The following ASXL3 variants were observed in gnomAD, a reference collection of about 807,000 sequenced individuals.
ASXL3 encodes putative Polycomb group protein ASXL3.
Under a neutral mutation model 170.6 loss-of-function variants are expected in ASXL3, and 34 were observed. That is an observed-to-expected ratio of 0.20 (90% confidence interval 0.15 to 0.27). The LOEUF is 0.27. Among genes scored for constraint, ASXL3 ranks in the 10% least tolerant of loss-of-function variants. The pLI, the probability that ASXL3 is intolerant of heterozygous loss-of-function variation, is 1.00. For synonymous variants in ASXL3, 1,002 were observed against 989.1 expected (o/e 1.01, Z -0.24); for missense variants, 2,592 against 2,695.3 (o/e 0.96, Z 0.85).
At chr18:33,726,086 C>T (rs982329376) in intron 8 of ASXL3, among the ~76,000 whole-genome samples, 1 of 152,140 alleles carries the variant, frequency 6.6e-6, no homozygotes, top group Non-Finnish European at 1.5e-5. Flanking sequence ...AGCATCTCAA[C>T]CTGATGTAGT....
chr18:33,588,066 T>A (rs1453452813), intron 1 of ASXL3, among the ~76,000 whole-genome samples: 3 of 152,166 alleles, frequency 2.0e-5, no homozygotes, highest in Non-Finnish European at 4.4e-5. Context: ...TGTGTATGTG[T>A]GTGTATATAT....
At chr18:33,614,941 A>G (rs2065400042) in intron 2 of ASXL3, 1 of 152,054 alleles carries the variant, frequency 6.6e-6, no homozygotes, top group Non-Finnish European at 1.5e-5. Flanking sequence ...GTACAGGTGT[A>G]GCAGATGTAA....
At chr18:33,670,423 G>T (rs1008540183) in intron 5 of ASXL3, among the ~76,000 whole-genome samples, 2 of 152,178 alleles carry the variant, frequency 1.3e-5, no homozygotes, top group Non-Finnish European at 2.9e-5. Flanking sequence ...ACCATTAAGT[G>T]CTGCTTTGTT....
rs1378774921 is a variant in ASXL3, at chr18:33,746,673, C to A, written c.*78C>A. ...ATCAGCAACAACAAATAGAATAATG[C>A]AGTGGTTTCTATCATGCTAATTTAT... On this transcript the variant is annotated 3_prime_UTR_variant, in exon 12 of 12. Transcript: ENST00000269197. 2.0e-6 allele frequency: 3 copies of A among 1,489,778 alleles called. No homozygotes were observed. In the African/African-American group the frequency reaches 4.2e-5, roughly 21 times the overall value. 92.3% of individuals were successfully genotyped at this position (1,489,778 alleles called of 1,614,324 possible).
chr18:33,680,286 T>G (rs1241091958), intron 7 of ASXL3, among the ~76,000 whole-genome samples: 1 of 152,074 alleles, frequency 6.6e-6, no homozygotes, highest in Non-Finnish European at 1.5e-5. Flanking sequence ...ATTGATACCT[T>G]TCTAATATGG....
At position 33,718,345 on chromosome 18, in the gene ASXL3, G is replaced by A. The variant is rs191517339; in HGVS notation, c.880-13623G>A. ...TTTTGTCTCTCAACTGATAAAGAAA[G>A]GAGCAGCACCCAAATGAGTTGTTCT... On this transcript the variant is annotated intron_variant, in intron 8 of 11. Coordinates refer to ENST00000269197, the MANE Select transcript of ASXL3 (RefSeq NM_030632.3). 1.6e-3 allele frequency among the ~76,000 whole-genome samples: 251 copies of A among 152,252 alleles called. 1 individual carries two copies. Among genetic ancestry groups the A allele is most frequent in the African/African-American group, 5.5e-3 (228 of 41,578 alleles).
chr18:33,617,936 T>C (rs1402447713), intron 2 of ASXL3, among the ~76,000 whole-genome samples: 2 of 152,102 alleles, frequency 1.3e-5, no homozygotes, highest in Admixed American at 6.6e-5. Context: ...TTTTTCTAAG[T>C]GGAGCTCTTC....
At chr18:33,643,218 T>C (rs1378314178) in intron 2 of ASXL3, among the ~76,000 whole-genome samples, 1 of 151,904 alleles carries the variant, frequency 6.6e-6, no homozygotes, top group Non-Finnish European at 1.5e-5. Context: ...AAAATATGTA[T>C]TTGCAATGTT....
intron 1 of ASXL3, among the ~76,000 whole-genome samples, chr18:33,591,664 C>T (rs867179874): frequency 8.9e-5 from 13 of 145,984 alleles, no homozygotes; most frequent in South Asian, 6.5e-4. Context: ...CTTTTTTAAA[C>T]GAAGTCTTTC....
At chr18:33,736,446 A>G (rs2067549310) in intron 10 of ASXL3, among the ~76,000 whole-genome samples, 2 of 151,914 alleles carry the variant, frequency 1.3e-5, no homozygotes, top group South Asian at 2.1e-4. Flanking sequence ...TGGCAGATAC[A>G]TTTTGAACAT....
At position 33,623,306 on chromosome 18, in the gene ASXL3, G is replaced by A. The variant is rs1034779429; in HGVS notation, c.137+15630G>A. ...AGTTTGCTTAATTGGTAGAGTTCACGTCTCATTGATCTTCTCTTCCCCATG... is the reference window on the plus strand; with the variant it reads ...AGTTTGCTTAATTGGTAGAGTTCACATCTCATTGATCTTCTCTTCCCCATG... On this transcript the variant is annotated intron_variant, in intron 2 of 11. Coordinates refer to ENST00000269197, the MANE Select transcript of ASXL3 (RefSeq NM_030632.3). 2.6e-5 allele frequency among the ~76,000 whole-genome samples: 4 copies of A among 152,078 alleles called. 1 individual carries two copies. The highest frequency in any genetic ancestry group is 2.1e-4 in the South Asian group (1 of 4,830).
chr18:33,702,167 C>G (rs2066884218), intron 8 of ASXL3, among the ~76,000 whole-genome samples: 1 of 152,116 alleles, frequency 6.6e-6, no homozygotes. Flanking sequence ...ATTTAAAATG[C>G]CTACTTCGAA....
chr18:33,658,355 G>GA (rs1318820112), intron 4 of ASXL3, among the ~76,000 whole-genome samples: 1 of 152,094 alleles, frequency 6.6e-6, no homozygotes, highest in Non-Finnish European at 1.5e-5. Context: ...GTCAGAATAT[G>GA]AATCTGCACG....
chr18:33,731,600 TTGACATTGTTTAAC>T (rs1319276738), intron 8 of ASXL3, among the ~76,000 whole-genome samples: 1 of 152,174 alleles, frequency 6.6e-6, no homozygotes, highest in Non-Finnish European at 1.5e-5. Flanking sequence ...CACCTAATGC[TTGACATTGTTTAAC>T]TTGTTATATG....
At chr18:33,641,900 G>A (rs2065852000) in intron 2 of ASXL3, 1 of 152,318 alleles carries the variant, frequency 6.6e-6, no homozygotes. Context: ...CACACATATA[G>A]TTACAGGATT....
rs575176320 is a variant in ASXL3 at position 33,716,206 on chromosome 18, C to A, written c.880-15762C>A. On this transcript the variant is annotated intron_variant, in intron 8 of 11. Coordinates refer to ENST00000269197, the MANE Select transcript of ASXL3 (RefSeq NM_030632.3). ...TCTCCAGTGCTCTGACTTACAGATA[C>A]TGTACAGCAACATTTCTTACGGTGA... 5.3e-5 allele frequency among the ~76,000 whole-genome samples: 8 copies of A among 152,272 alleles called. No homozygotes were observed. The East Asian group carries it at 1.5e-3, about 29-fold the overall frequency.
At chr18:33,638,713 T>G (rs2065805510) in intron 2 of ASXL3, among the ~76,000 whole-genome samples, 2 of 152,312 alleles carry the variant, frequency 1.3e-5, no homozygotes, top group South Asian at 4.1e-4. Flanking sequence ...TTCTGTAAGA[T>G]TCCTCATCTC....
At chr18:33,618,831 A>G (rs117646166) in intron 2 of ASXL3, among the ~76,000 whole-genome samples, 3,565 of 152,246 alleles carry the variant, frequency 0.023, 67 homozygotes, top group Non-Finnish European at 0.033. Flanking sequence ...TTATTCATGT[A>G]TATGATATTC....
chr18:33,612,289 C>A lies in ASXL3; in HGVS notation c.137+4613C>A, dbSNP rs568739347. Among the ~76,000 whole-genome samples, 10 of 151,818 alleles carry A rather than the reference C, an allele frequency of 6.6e-5. No individual in the cohort carries two copies. In the East Asian group the frequency reaches 1.6e-3, roughly 24 times the overall value. ...GTACATTTTAACAATATTAGAGATG[C>A]CATATTTTAGATTTAAAAACTATGT... On this transcript the variant is annotated intron_variant, in intron 2 of 11. Coordinates refer to ENST00000269197, the MANE Select transcript of ASXL3 (RefSeq NM_030632.3).
Sources: allele counts gnomAD v4.1 joint callset (sites outside exome capture counted in the v4.1 genomes callset), GRCh38; gene constraint gnomAD v4.1.1; transcripts MANE v1.5; gene names NCBI Gene and HGNC (gene_info 2026-07-23, HGNC 2026-07-21).